The following TEK variants were observed in gnomAD, a reference collection of about 807,000 sequenced individuals.
TEK encodes the protein TEK receptor tyrosine kinase, also known as angiopoietin-1 receptor.
TEK carries 43 observed loss-of-function variants against 131.8 expected under a neutral mutation model. The ratio of observed to expected loss-of-function variants is 0.33; its 90% CI spans 0.26 to 0.42. TEK has a LOEUF of 0.42. Among genes scored for constraint, TEK ranks in the 10% least tolerant of loss-of-function variants. TEK has a pLI of 1.00. For synonymous variants in TEK, 580 were observed against 491.6 expected (o/e 1.18, Z -2.38); for missense variants, 1,162 against 1,384.4 (o/e 0.84, Z 2.55).
chr9:27,168,387 C>A, intron 2 of TEK, 108 bp from the exon 3 acceptor site: 1 of 815,712 alleles, frequency 1.2e-6, no homozygotes, highest in Non-Finnish European at 2.1e-6. Flanking sequence ...CAAAAACCAT[C>A]TGACACCTAG....
intron 1 of TEK, among the ~76,000 whole-genome samples, chr9:27,126,874 G>T (rs1363236752): frequency 6.6e-6 from 1 of 152,150 alleles, no homozygotes; most frequent in African/African-American, 2.4e-5. Flanking sequence ...CCCGAAGCAG[G>T]CCTCTCCTCA....
chr9:27,128,756 G>A (rs181935695), intron 1 of TEK, among the ~76,000 whole-genome samples: 9 of 151,604 alleles, frequency 5.9e-5, no homozygotes, highest in East Asian at 2.0e-4. Flanking sequence ...ATGGGAGCTC[G>A]CTCATGATTT....
At chr9:27,177,532 C>T (rs1043360221) in intron 6 of TEK, among the ~76,000 whole-genome samples, 5 of 152,180 alleles carry the variant, frequency 3.3e-5, no homozygotes, top group East Asian at 3.9e-4. Context: ...GGGCGGATCA[C>T]CTGAGGTTGG....
intron 2 of TEK, among the ~76,000 whole-genome samples, chr9:27,159,272 C>T (rs891865244): frequency 3.3e-5 from 5 of 152,144 alleles, no homozygotes; most frequent in African/African-American, 1.2e-4. Context: ...GTACCACTGC[C>T]ATCTACATTT....
Position 27,196,031 on chromosome 9 carries a change from A to G in TEK, c.1625-1284A>G, listed in dbSNP as rs143992760. 3.1e-3 allele frequency among the ~76,000 whole-genome samples: 469 copies of G among 152,350 alleles called. 5 individuals carry two copies. Among genetic ancestry groups the G allele is most frequent in the Admixed American group, 0.012 (177 of 15,300 alleles). ...GGCCTGGCCCTGCCACCACAGCTGT[A>G]TGATTTCTGAAAATCTTGCTAAGGG... On this transcript the variant is annotated intron_variant, in intron 11 of 22. Transcript: ENST00000380036.
Position 27,204,957 on chromosome 9 carries a change from T to A in TEK, c.2256T>A (p.Leu752=). 6.2e-7 allele frequency: 1 copy of A among 1,614,114 alleles called. No individual in the cohort carries two copies. Among genetic ancestry groups the A allele is most frequent in the Non-Finnish European group, 8.5e-7 (1 of 1,179,938 alleles). Residue 752 remains leucine (L), a synonymous_variant, in exon 14 of 23, where the codon CTT becomes CTA. Transcript: ENST00000380036. ...GGAAGATGCTGCTTATAGCCATCCT[T>A]GGCTCTGCTGGAATGACCTGCCTGA... ...GGGKMLLIAI[L]GSAGMTCLTV...
chr9:27,221,147 G>C (rs1053688923), intron 21 of TEK, among the ~76,000 whole-genome samples: 1 of 152,204 alleles, frequency 6.6e-6, no homozygotes, highest in Non-Finnish European at 1.5e-5. Context: ...TGTAAAAAAA[G>C]TCACAGGGAA....
At chr9:27,174,170 A>G (rs1824077554) in intron 6 of TEK, among the ~76,000 whole-genome samples, 1 of 152,168 alleles carries the variant, frequency 6.6e-6, no homozygotes, top group Non-Finnish European at 1.5e-5. Context: ...TAGTAGCTCA[A>G]CATGAACCTG....
intron 12 of TEK, among the ~76,000 whole-genome samples, chr9:27,198,030 A>G (rs1434853246): frequency 1.3e-5 from 2 of 151,792 alleles, no homozygotes; most frequent in African/African-American, 4.8e-5. Context: ...AAGTTAAAAG[A>G]TTTATCTAGG....
chr9:27,154,163 T>C (rs541929742), intron 1 of TEK, among the ~76,000 whole-genome samples: 2 of 152,180 alleles, frequency 1.3e-5, no homozygotes, highest in Non-Finnish European at 2.9e-5. Flanking sequence ...CTCTCTTTTA[T>C]TTATTTATTT....
rs568508663 is a variant in TEK at position 27,188,768 on chromosome 9, G to A, written c.1328-1761G>A. 2.6e-5 allele frequency among the ~76,000 whole-genome samples: 4 copies of A among 152,294 alleles called. No individual in the cohort carries two copies. The East Asian group carries it at 7.7e-4, about 29-fold the overall frequency. On this transcript the variant is annotated intron_variant, in intron 9 of 22. Transcript: ENST00000380036. The stretch of plus-strand genomic sequence containing the variant: ...TGTTCTAGGCACTGGGAATAGAGCA[G>A]TGAATAATACAGGGGGAAAAAGACT...
In TEK at chr9:27,190,549, G is replaced by T; in HGVS notation, c.1348G>T (p.Ala450Ser). The change falls in exon 10 of 23, where the codon GCC (alanine) becomes TCC (serine). Residue 450 changes from alanine to serine, a missense_variant. Ala to Ser is a moderately conservative substitution (Grantham distance 99). Around this residue, in one of 6 missense-constraint regions of TEK, gnomAD observed 477 missense variants for 471.0 expected, o/e 1.01. Coordinates refer to ENST00000380036, the MANE Select transcript of TEK (RefSeq NM_000459.5). ...TTTAGTTCTTCCAAAGCCCCTGAAT[G>T]CCCCAAACGTGATTGACACTGGACA... ...SVKVLPKPLN[A>S]PNVIDTGHNF... The T allele has an allele frequency of 6.2e-7, 1 of 1,613,972 alleles. No homozygotes were observed.
At chr9:27,217,859 G>T in intron 19 of TEK, 101 bp downstream of exon 19, 1 of 996,766 alleles carries the variant, frequency 1.0e-6, no homozygotes, top group East Asian at 2.5e-5. Flanking sequence ...TGTAGCTCTC[G>T]GGAACAAAGG....
intron 1 of TEK, among the ~76,000 whole-genome samples, chr9:27,119,607 GT>G (rs1821702421): frequency 1.3e-4 from 2 of 14,862 alleles, no homozygotes; most frequent in African/African-American, 4.9e-4. Flanking sequence ...AATGTGGAGA[GT>G]CGGGTGGAGA....
intron 21 of TEK, among the ~76,000 whole-genome samples, chr9:27,224,766 G>A (rs1826241606): frequency 6.6e-6 from 1 of 152,030 alleles, no homozygotes; most frequent in Admixed American, 6.6e-5. Flanking sequence ...GGGCAGTCAG[G>A]CAAGAGAAAG....
In TEK at chr9:27,154,119, T is replaced by C. The variant is rs573685745; in HGVS notation, c.53-3712T>C. 2.0e-5 allele frequency among the ~76,000 whole-genome samples: 3 copies of C among 152,326 alleles called. No individual in the cohort carries two copies. The East Asian group carries it at 5.8e-4, about 29-fold the overall frequency. ...ATATGTCCATGGCTCTTGATTCTTT[T>C]CCAGCTGCCATTTTTTTCTCTCTCT... On this transcript the variant is annotated intron_variant, in intron 1 of 22. Coordinates refer to ENST00000380036, the MANE Select transcript of TEK (RefSeq NM_000459.5).
At chr9:27,184,386 TC>T (rs1241363196) in intron 8 of TEK, among the ~76,000 whole-genome samples, 5 of 152,198 alleles carry the variant, frequency 3.3e-5, no homozygotes, top group African/African-American at 1.2e-4. Context: ...TATTTTTTAA[TC>T]TAAAAATTTA....
chr9:27,218,298 G>A (rs910990039), intron 19 of TEK, among the ~76,000 whole-genome samples: 3 of 151,908 alleles, frequency 2.0e-5, no homozygotes, highest in Non-Finnish European at 2.9e-5. Context: ...TGATGTCTGG[G>A]CATGAGGAGG....
Position 27,172,728 on chromosome 9 carries a change from G to A in TEK, c.741G>A (p.Met247Ile). 1 of 1,613,638 alleles carries A rather than the reference G, an allele frequency of 6.2e-7. No individual in the cohort carries two copies. Among genetic ancestry groups the A allele is most frequent in the Non-Finnish European group, 8.5e-7 (1 of 1,179,670 alleles). ...AATGCATTTGCCCTCCTGGGTTTAT[G>A]GGAAGGACGTGTGAGAAGGGTAAGT... ...TGECICPPGFMGRTCEKACEL... is the reference protein window; with the variant it reads ...TGECICPPGFIGRTCEKACEL... The change falls in exon 5 of 23, where the codon ATG becomes ATA. Residue 247 changes from methionine (M) to isoleucine (I), a missense_variant. Met to Ile is a conservative substitution (Grantham distance 10, BLOSUM62 1). This residue lies in a region of TEK where 436 missense variants were observed against 539.1 expected (regional missense o/e 0.81). Coordinates refer to ENST00000380036, the MANE Select transcript of TEK (RefSeq NM_000459.5).
Sources: allele counts gnomAD v4.1 joint callset (sites outside exome capture counted in the v4.1 genomes callset), GRCh38; gene constraint gnomAD v4.1.1; regional missense constraint gnomAD v4.1.1; transcripts MANE v1.5; gene names NCBI Gene and HGNC (gene_info 2026-07-23, HGNC 2026-07-21).